Variants in RFT1 observed in about 807,000 individuals in gnomAD.
RFT1 encodes RFT1 glycolipid translocator homolog.
A neutral mutation model predicts 62.2 loss-of-function variants in RFT1; 43 were observed. The observed-to-expected ratio is 0.69, with a 90% CI of 0.54 to 0.89. The LOEUF is 0.89. RFT1 is among the 40% of genes least tolerant of loss of function. The pLI, the probability that RFT1 is intolerant of heterozygous loss-of-function variation, is 0.00. For synonymous variants in RFT1, 262 were observed against 264.6 expected (o/e 0.99, Z 0.10); for missense variants, 605 against 649.9 (o/e 0.93, Z 0.75).
At chr3:53,100,847 T>C (rs35783750) in intron 10 of RFT1, among the ~76,000 whole-genome samples, 78,528 of 152,008 alleles carry the variant, frequency 0.52, 21,909 homozygotes, top group East Asian at 0.72. Flanking sequence ...TGTCTGAATC[T>C]GTTTGGTAGT....
chr3:53,115,417 G>C (rs1374389147), intron 6 of RFT1, among the ~76,000 whole-genome samples: 1 of 152,088 alleles, frequency 6.6e-6, no homozygotes, highest in Non-Finnish European at 1.5e-5. Flanking sequence ...TGATCATGGT[G>C]CTGTTCAAAA....
chr3:53,122,906 C>A (rs1702010618), intron 3 of RFT1, among the ~76,000 whole-genome samples: 1 of 152,328 alleles, frequency 6.6e-6, no homozygotes, highest in South Asian at 2.1e-4. Flanking sequence ...CATACTGACC[C>A]CATAAGCAAA....
chr3:53,122,530 C>G lies in RFT1; in HGVS notation c.300G>C (p.Leu100=). ...VPLGVFWSLF[L]GWIWLQLLEV... is the part of the protein sequence containing the mutation. ...CAAGCAGCTGCAACCAGATCCAGCC[C>G]AGGAATAAGGACCAAAACACACCCA... Residue 100 remains leucine (L), a synonymous_variant, in exon 4 of 13, where the codon CTG becomes CTC. Transcript: ENST00000296292. 1 of 1,613,294 alleles carries G rather than the reference C, an allele frequency of 6.2e-7. No homozygotes were observed. Among genetic ancestry groups the G allele is most frequent in the Non-Finnish European group, 8.5e-7 (1 of 1,179,600 alleles).
chr3:53,130,330 G>A lies in RFT1; in HGVS notation c.63+8C>T. 7 of 1,566,224 alleles carry A rather than the reference G, an allele frequency of 4.5e-6. No homozygotes were observed. Among genetic ancestry groups the A allele is most frequent in the Non-Finnish European group, 6.1e-6 (7 of 1,155,730 alleles). On this transcript the variant is annotated splice_region_variant and intron_variant, in intron 1 of 12. Coordinates refer to ENST00000296292, the MANE Select transcript of RFT1 (RefSeq NM_052859.4). Reference sequence around the variant, plus strand: ...AGTACAAGCTGGAACCTGAAGGGCAGAGAGTACCTGCAGGAGGAGACCGGA... The same window carrying A: ...AGTACAAGCTGGAACCTGAAGGGCAAAGAGTACCTGCAGGAGGAGACCGGA...
the RFT1 span, among the ~76,000 whole-genome samples, chr3:53,069,964 T>C: frequency 6.6e-6 from 1 of 152,176 alleles, no homozygotes; most frequent in Admixed American, 6.5e-5. Flanking sequence ...CTCCCCACTG[T>C]GCCCTGCAGC....
chr3:53,130,177 C>CT (rs1559602142), intron 1 of RFT1, among the ~76,000 whole-genome samples, 161 bp downstream of exon 1: 1 of 152,116 alleles, frequency 6.6e-6, no homozygotes, highest in Admixed American at 6.5e-5. Context: ...AGGGTCCCCC[C>CT]TCATCAATGC....
chr3:53,069,859 G>C, the RFT1 span, among the ~76,000 whole-genome samples: 1 of 152,236 alleles, frequency 6.6e-6, no homozygotes, highest in Non-Finnish European at 1.5e-5. Context: ...TAAACCCTGT[G>C]GGTTTCCCAT....
chr3:53,088,707 A>T lies in RFT1; in HGVS notation c.*3196T>A, dbSNP rs1021574868. 3.9e-5 allele frequency: 6 copies of T among 152,402 alleles called. No homozygotes were observed. Among genetic ancestry groups the T allele is most frequent in the African/African-American group, 1.2e-4 (5 of 41,330 alleles). 9.4% of individuals were successfully genotyped at this position (152,402 alleles called of 1,614,324 possible). ...AAATTAGCTGGGTGAGGTAGCACAC[A>T]CCTGTGATCCCAGCTACTCAGGAGG... On this transcript the variant is annotated 3_prime_UTR_variant, in exon 13 of 13. Transcript: ENST00000296292.
At position 53,092,354 on chromosome 3, in the gene RFT1, C is replaced by G. The variant is rs1380230240; in HGVS notation, c.1458+15G>C. The stretch of plus-strand genomic sequence containing the variant: ...GCTGCAGAAGCATGTGGCATGATGG[C>G]TCAGGGAGTCTCACCTCCGAAACAG... On this transcript the variant is annotated intron_variant, in intron 12 of 12. Transcript: ENST00000296292. The G allele has an allele frequency of 1.3e-6, 2 of 1,591,874 alleles. No individual in the cohort carries two copies. Among genetic ancestry groups the G allele is most frequent in the South Asian group, 1.1e-5 (1 of 87,610 alleles).
In RFT1 at chr3:53,119,921, C is replaced by T. The variant is rs760624288; in HGVS notation, c.659G>A (p.Arg220Lys). 2 of 1,612,896 alleles carry T rather than the reference C, an allele frequency of 1.2e-6. No individual in the cohort carries two copies. The highest frequency in any genetic ancestry group is 1.7e-6 in the Non-Finnish European group (2 of 1,179,358). The part of the protein sequence containing the change: ...STKLQTLPVS[R>K]ITDLLPNITR... ...AATATTGGGTAACAGATCTGTTATT[C>T]TGGAGACAGGAAGAGTTTGAAGCTT... Residue 220 changes from arginine (R) to lysine (K), a missense_variant, in exon 6 of 13, where the codon AGA becomes AAA. Arg to Lys is a conservative substitution (Grantham distance 26). Coordinates refer to ENST00000296292, the MANE Select transcript of RFT1 (RefSeq NM_052859.4).
In RFT1 at chr3:53,124,970, G is replaced by A. The variant is rs80298029; in HGVS notation, c.149+939C>T. Among the ~76,000 whole-genome samples, 128 of 152,124 alleles carry A rather than the reference G, an allele frequency of 8.4e-4. 1 individual carries two copies. In the East Asian group the frequency reaches 0.023, roughly 28 times the overall value. On this transcript the variant is annotated intron_variant, in intron 2 of 12. Coordinates refer to ENST00000296292, the MANE Select transcript of RFT1 (RefSeq NM_052859.4). ...CTGGGTGATAGGGCAAAAGCCTGTCGTCTCAAAAAAAGAAAAAGAAGAAGA... is the reference window on the plus strand; with the variant it reads ...CTGGGTGATAGGGCAAAAGCCTGTCATCTCAAAAAAAGAAAAAGAAGAAGA...
At chr3:53,099,631 G>C (rs1462548161) in intron 10 of RFT1, 145 bp from the exon 11 acceptor site, 27 of 693,902 alleles carry the variant, frequency 3.9e-5, no homozygotes, top group Non-Finnish European at 2.6e-5. Context: ...CTAGAGCCCA[G>C]GGTCTTAATA....
intron 7 of RFT1, among the ~76,000 whole-genome samples, chr3:53,107,223 C>A (rs1240061039): frequency 6.6e-6 from 1 of 150,964 alleles, no homozygotes; most frequent in Non-Finnish European, 1.5e-5. Context: ...GCAAGCTCTG[C>A]CTTCTGGGTT....
At chr3:53,084,383 GCAGA>G (rs1700814831), downstream of RFT1, among the ~76,000 whole-genome samples, 1 of 152,208 alleles carries the variant, frequency 6.6e-6, no homozygotes, top group South Asian at 2.1e-4. Context: ...GGCGCTGCCC[GCAGA>G]CAGTCATGCT....
In RFT1 at chr3:53,095,805, A is replaced by C. The variant is rs1701123444; in HGVS notation, c.1209-3187T>G. Among the ~76,000 whole-genome samples, 3 of 152,290 alleles carry C rather than the reference A, an allele frequency of 2.0e-5. No homozygotes were observed. The South Asian group carries it at 6.2e-4, about 32-fold the overall frequency. ...AGAAGCCCCCAGCAGGTGCTGGTTG[A>C]ATACATCAAGGCACAGCCATACAAT... On this transcript the variant is annotated intron_variant, in intron 11 of 12. Transcript: ENST00000296292.
chr3:53,098,538 C>T (rs375439133), intron 11 of RFT1, among the ~76,000 whole-genome samples: 6 of 152,128 alleles, frequency 3.9e-5, no homozygotes, highest in Non-Finnish European at 8.8e-5. Flanking sequence ...CACGGTGGCT[C>T]ATGCCTGTAA....
chr3:53,109,022 T>C (rs924184775), intron 7 of RFT1, among the ~76,000 whole-genome samples: 3 of 152,198 alleles, frequency 2.0e-5, no homozygotes, highest in Non-Finnish European at 4.4e-5. Context: ...TCTGTATTTG[T>C]GGGCTTTTAT....
In RFT1 at chr3:53,120,011, G is replaced by C. The variant is rs772810631; in HGVS notation, c.569C>G (p.Thr190Ser). The C allele has an allele frequency of 5.6e-6, 9 of 1,594,090 alleles. No individual in the cohort carries two copies. In the East Asian group the frequency reaches 2.0e-4, roughly 36 times the overall value. Residue 190 changes from threonine to serine, a missense_variant, in exon 6 of 13, where the codon ACC (threonine) becomes AGC (serine). By Grantham distance (58) the Thr-to-Ser change is moderately conservative. Transcript: ENST00000296292. ...AACATAGCAGAGCACCAGAACTGTG[G>C]TATAGAAAAGCTGAGAAAAAAAATA... ...YIFSLAQLFYTTVLVLCYVIY... is the reference protein window; with the variant it reads ...YIFSLAQLFYSTVLVLCYVIY...
At chr3:53,082,545 C>A in the RFT1 span, among the ~76,000 whole-genome samples, 2 of 151,982 alleles carry the variant, frequency 1.3e-5, no homozygotes, top group Non-Finnish European at 2.9e-5. Flanking sequence ...TAGCCCAGAG[C>A]TAAAGGGGGC....
Sources: allele counts gnomAD v4.1 joint callset (sites outside exome capture counted in the v4.1 genomes callset), GRCh38; gene constraint gnomAD v4.1.1; transcripts MANE v1.5; gene names NCBI Gene and HGNC (gene_info 2026-07-23, HGNC 2026-07-21).